The following COLQ variants were observed in gnomAD, a reference collection of about 807,000 sequenced individuals.
COLQ encodes collagen like tail subunit of asymmetric acetylcholinesterase.
In COLQ, 48 loss-of-function variants were observed where a neutral mutation model predicts 69.0. The ratio of observed to expected loss-of-function variants is 0.70; its 90% CI spans 0.55 to 0.88. The LOEUF (loss-of-function observed/expected upper bound fraction) is 0.88. COLQ is among the 40% of genes least tolerant of loss of function. COLQ has a pLI of 0.00. For synonymous variants in COLQ, 217 were observed against 211.2 expected (o/e 1.03, Z -0.24); for missense variants, 618 against 594.6 (o/e 1.04, Z -0.41).
Position 15,471,145 on chromosome 3 carries a change from GTGCTTGCCC to G in COLQ, c.637-538_637-530del, listed in dbSNP as rs1559518035. Among the ~76,000 whole-genome samples the G allele has an allele frequency of 2.0e-5, 3 of 152,294 alleles. No homozygotes were observed. In the East Asian group the frequency reaches 5.8e-4, roughly 29 times the overall value. Reference sequence around the variant, plus strand: ...TTTAATGACTCTTGCTTAGGATTATGTGCTTGCCCACTCTTAGTAAGCATTGGTTTGAGT... The same window carrying G: ...TTTAATGACTCTTGCTTAGGATTATGACTCTTAGTAAGCATTGGTTTGAGT... On this transcript the variant is annotated intron_variant, in intron 10 of 16. Transcript: ENST00000383788.
At chr3:15,479,214 C>G in intron 4 of COLQ, 124 bp downstream of exon 4, 1 of 1,193,042 alleles carries the variant, frequency 8.4e-7, no homozygotes, top group Non-Finnish European at 1.3e-6. Flanking sequence ...TGGAACCCAG[C>G]CTCTCACCAA....
chr3:15,473,996 T>C lies in COLQ; in HGVS notation c.636+4A>G. 1.2e-6 allele frequency: 2 copies of C among 1,614,172 alleles called. No individual in the cohort carries two copies. Among genetic ancestry groups the C allele is most frequent in the Non-Finnish European group, 1.7e-6 (2 of 1,180,022 alleles). On this transcript the variant is annotated splice_donor_region_variant and intron_variant, in intron 10 of 16. Transcript: ENST00000383788. The surrounding 1 kb of genome is among the most constrained non-coding windows in gnomAD (Gnocchi z 4.0). The stretch of plus-strand genomic sequence containing the variant: ...CCTATTTTCACTACCTCAAGGTTAC[T>C]TACTTTCTGCCCCAACATTCCAGGA...
At chr3:15,456,064 A>C in intron 14 of COLQ, 45 bp from the exon 15 acceptor site, 1 of 1,609,826 alleles carries the variant, frequency 6.2e-7, no homozygotes, top group Non-Finnish European at 8.5e-7. Flanking sequence ...TGGCATACCC[A>C]GGCAGCCGCA....
At chr3:15,478,557 G>A (rs2062420781) in intron 5 of COLQ, 4 of 261,324 alleles carry the variant, frequency 1.5e-5, no homozygotes, top group Non-Finnish European at 3.0e-5. Flanking sequence ...TTTCAGCTGA[G>A]CCAAAAAGCA....
intron 1 of COLQ, among the ~76,000 whole-genome samples, chr3:15,501,679 A>G (rs2062833608): frequency 1.3e-5 from 2 of 152,216 alleles, no homozygotes; most frequent in Admixed American, 6.5e-5. Context: ...CCATCCTTGC[A>G]GAGTCCAGTT....
intron 13 of COLQ, 61 bp downstream of exon 13, chr3:15,458,125 T>C: frequency 6.3e-7 from 1 of 1,580,964 alleles, no homozygotes; most frequent in African/African-American, 1.3e-5. Context: ...CAAAGCCCCA[T>C]AAGGATCAGG....
At chr3:15,499,226 G>T (rs562914229) in intron 1 of COLQ, among the ~76,000 whole-genome samples, 1 of 152,240 alleles carries the variant, frequency 6.6e-6, no homozygotes, top group South Asian at 2.1e-4. Flanking sequence ...TGGATGAAGC[G>T]GCATATACCA....
At chr3:15,512,205 G>C (rs893396721) in intron 1 of COLQ, among the ~76,000 whole-genome samples, 1 of 152,214 alleles carries the variant, frequency 6.6e-6, no homozygotes, top group Non-Finnish European at 1.5e-5. Context: ...ATGCCTGGGA[G>C]GGAGGAACCT....
chr3:15,498,687 G>T, intron 1 of COLQ: 1 of 1,548,422 alleles, frequency 6.5e-7, no homozygotes. Flanking sequence ...GGCCTGTTTG[G>T]CATTAGGGGT....
chr3:15,508,855 A>G (rs2062945064), intron 1 of COLQ, among the ~76,000 whole-genome samples: 1 of 151,874 alleles, frequency 6.6e-6, no homozygotes, highest in Non-Finnish European at 1.5e-5. Flanking sequence ...TATGAAAATT[A>G]AAACCACACT....
chr3:15,489,558 G>A lies in COLQ; in HGVS notation c.186C>T (p.Phe62=). Residue 62 remains phenylalanine, a synonymous_variant, in exon 2 of 17, where the codon TTC becomes TTT. Coordinates refer to ENST00000383788, the MANE Select transcript of COLQ (RefSeq NM_005677.4). ...CLLTPPPPPL[F]PPPFFRGGRS... ...GGCCACCTCTGAAGAATGGTGGTGG[G>A]AACAGTGGTGGTGGAGGAGGCGTCA... 1.2e-6 allele frequency: 2 copies of A among 1,614,222 alleles called. No individual in the cohort carries two copies. The highest frequency in any genetic ancestry group is 1.7e-6 in the Non-Finnish European group (2 of 1,180,036).
chr3:15,475,260 C>A, intron 7 of COLQ, 165 bp downstream of exon 7: 1 of 741,874 alleles, frequency 1.3e-6, no homozygotes, highest in South Asian at 1.7e-5. Context: ...CCCCTGCATC[C>A]CAGGGCATGA....
At chr3:15,453,068 T>C (rs1482240488) in intron 16 of COLQ, among the ~76,000 whole-genome samples, 1 of 152,198 alleles carries the variant, frequency 6.6e-6, no homozygotes, top group Non-Finnish European at 1.5e-5. Flanking sequence ...CTCCCCATTT[T>C]CCTGAGAACG....
intron 15 of COLQ, among the ~76,000 whole-genome samples, chr3:15,454,651 GTTTTTTT>G (rs56053367): frequency 0.33 from 39,165 of 117,952 alleles, 5,883 homozygotes; most frequent in East Asian, 0.39. Context: ...CCCCTGAACT[GTTTTTTT>G]TTTTTTTTTT....
chr3:15,488,914 T>C (rs1270689337), intron 2 of COLQ, among the ~76,000 whole-genome samples: 2 of 152,230 alleles, frequency 1.3e-5, no homozygotes, highest in Non-Finnish European at 2.9e-5. Context: ...ATATGGCTAG[T>C]GGCTCCTGAA....
intron 15 of COLQ, 91 bp downstream of exon 15, chr3:15,455,808 C>T: frequency 6.4e-7 from 1 of 1,567,570 alleles, no homozygotes; most frequent in East Asian, 2.3e-5. Flanking sequence ...AGAAAGGTCC[C>T]AAAGCACCAC....
intron 15 of COLQ, 122 bp downstream of exon 15, chr3:15,455,777 G>C: frequency 7.4e-7 from 1 of 1,347,214 alleles, no homozygotes; most frequent in South Asian, 1.2e-5. Flanking sequence ...AGGTGGCCTG[G>C]GTATACCCTT....
chr3:15,459,775 G>C (rs932377779), intron 12 of COLQ, among the ~76,000 whole-genome samples: 4 of 149,502 alleles, frequency 2.7e-5, no homozygotes, highest in African/African-American at 9.9e-5. Context: ...TGCCGCGCCT[G>C]GTCAGGCACC....
At chr3:15,498,406 G>T in intron 1 of COLQ, 2 of 1,201,508 alleles carry the variant, frequency 1.7e-6, no homozygotes, top group Non-Finnish European at 2.3e-6. Flanking sequence ...TTTAAAGGCT[G>T]CTAAAACCTC....
Sources: gnomAD v4.1 joint callset for allele counts (sites outside exome capture counted in the v4.1 genomes callset) on GRCh38, gnomAD v4.1.1 for gene constraint, Gnocchi (gnomAD v3.1) non-coding constraint, MANE v1.5 for transcripts, NCBI Gene and HGNC (gene_info 2026-07-23, HGNC 2026-07-21) for gene names.